GRIK1: variants seen among roughly 807,000 people sequenced by gnomAD.
GRIK1 encodes the protein glutamate receptor ionotropic, kainate 1.
GRIK1 carries 69 observed loss-of-function variants against 105.7 expected under a neutral mutation model. That is an observed-to-expected ratio of 0.65 (90% CI 0.54 to 0.80). GRIK1 has a LOEUF of 0.80. Among genes scored for constraint, GRIK1 ranks in the 30% least tolerant of loss-of-function variants. The pLI, the probability that GRIK1 is intolerant of heterozygous loss-of-function variation, is 0.00. For missense variants in GRIK1, 1,109 were observed against 1,167.3 expected, an observed-to-expected ratio of 0.95 and a Z score of 0.73; for synonymous variants, 438 against 431.3, an observed-to-expected ratio of 1.02 and a Z score of -0.19.
At position 29,939,403 on chromosome 21, in the gene GRIK1, G is replaced by A. The variant is rs1334563631; in HGVS notation, c.98C>T (p.Ala33Val). The A allele has an allele frequency of 8.4e-6, 13 of 1,552,092 alleles. No individual in the cohort carries two copies. The highest frequency in any genetic ancestry group is 1.0e-5 in the Non-Finnish European group (12 of 1,143,654). Reference protein sequence around the residue: ...YFLCYILPQTAPQVLRIGGIF... With the variant: ...YFLCYILPQTVPQVLRIGGIF... The stretch of plus-strand genomic sequence containing the variant: ...CTCACCGATCCTGAGTACTTGCGGG[G>A]CGGTCTGAGGGAGGATATAGCAGAG... The change falls in exon 1 of 18, where the codon GCC becomes GTC. Residue 33 changes from alanine (A) to valine (V), a missense_variant. Coordinates refer to ENST00000327783, the MANE Select transcript of GRIK1 (RefSeq NM_001330994.2).
intron 1 of GRIK1, among the ~76,000 whole-genome samples, chr21:29,870,410 T>C (rs900145393): frequency 2.0e-5 from 3 of 152,116 alleles, no homozygotes; most frequent in African/African-American, 2.4e-5. Flanking sequence ...GTTAGCATTA[T>C]ACTTACTTTG....
At chr21:29,810,002 A>T (rs2066969080) in intron 1 of GRIK1, among the ~76,000 whole-genome samples, 1 of 152,146 alleles carries the variant, frequency 6.6e-6, no homozygotes, top group Non-Finnish European at 1.5e-5. Context: ...GTAACATCAA[A>T]GATTACTAAT....
At chr21:29,871,760 ATTTTTTT>A (rs35513177) in intron 1 of GRIK1, among the ~76,000 whole-genome samples, 1 of 121,158 alleles carries the variant, frequency 8.3e-6, no homozygotes, top group African/African-American at 3.1e-5. Context: ...AATCTTTTTA[ATTTTTTT>A]TTTTTTTTTT....
intron 1 of GRIK1, among the ~76,000 whole-genome samples, chr21:29,826,337 G>A (rs2067456442): frequency 1.3e-5 from 2 of 152,126 alleles, no homozygotes; most frequent in Admixed American, 1.3e-4. Flanking sequence ...CTTGGCCTCA[G>A]TGCCCAGATA....
At chr21:29,724,663 G>A (rs183294941) in intron 1 of GRIK1, among the ~76,000 whole-genome samples, 4 of 152,260 alleles carry the variant, frequency 2.6e-5, no homozygotes, top group Admixed American at 2.0e-4. Context: ...ATGATTTAAA[G>A]ATACTTAGCT....
chr21:29,848,136 C>T (rs2832449), intron 1 of GRIK1, among the ~76,000 whole-genome samples: 47,574 of 151,754 alleles, frequency 0.31, 7,977 homozygotes, highest in East Asian at 0.46. Flanking sequence ...GCCTTGGCAA[C>T]GACTTTATCT....
At chr21:29,724,956 T>C (rs1001281006) in intron 1 of GRIK1, among the ~76,000 whole-genome samples, 2 of 151,654 alleles carry the variant, frequency 1.3e-5, no homozygotes, top group African/African-American at 4.9e-5. Flanking sequence ...TATCATTGAC[T>C]TTAGTCGAAT....
At chr21:29,607,210 G>T (rs796287640) in intron 7 of GRIK1, among the ~76,000 whole-genome samples, 1 of 152,066 alleles carries the variant, frequency 6.6e-6, no homozygotes, top group Non-Finnish European at 1.5e-5. Flanking sequence ...TGCAGGGTGA[G>T]AGATGACTGA....
intron 2 of GRIK1, 129 bp downstream of exon 2, chr21:29,693,767 G>C (rs2063632077): frequency 1.5e-6 from 1 of 681,730 alleles, no homozygotes; most frequent in Non-Finnish European, 2.6e-6. Context: ...TGACATCGAA[G>C]ACCCAGATTT....
intron 1 of GRIK1, among the ~76,000 whole-genome samples, chr21:29,836,322 C>T (rs1321759828): frequency 6.6e-6 from 1 of 152,076 alleles, no homozygotes; most frequent in Non-Finnish European, 1.5e-5. Flanking sequence ...AGTACTAAGT[C>T]AGATGATCAG....
chr21:29,571,466 C>T (rs1207347258), intron 14 of GRIK1, among the ~76,000 whole-genome samples: 2 of 152,048 alleles, frequency 1.3e-5, no homozygotes, highest in African/African-American at 2.4e-5. Context: ...TTTTGGTTTT[C>T]TTCTTGTTGA....
At chr21:29,828,917 G>A (rs925858678) in intron 1 of GRIK1, among the ~76,000 whole-genome samples, 34 of 152,238 alleles carry the variant, frequency 2.2e-4, no homozygotes, top group Admixed American at 8.5e-4. Context: ...ATAACAGAGC[G>A]ATATTCAAAC....
chr21:29,542,716 C>T (rs1364303716), intron 16 of GRIK1, among the ~76,000 whole-genome samples: 1 of 152,196 alleles, frequency 6.6e-6, no homozygotes, highest in East Asian at 1.9e-4. Flanking sequence ...TATAGGTAAA[C>T]ATTTCAGAGA....
chr21:29,637,704 C>A (rs1259027440), intron 7 of GRIK1, among the ~76,000 whole-genome samples: 2 of 152,188 alleles, frequency 1.3e-5, no homozygotes, highest in Non-Finnish European at 2.9e-5. Flanking sequence ...GACTTCCCAG[C>A]CTGCAGAACT....
chr21:29,793,745 T>C (rs2066485906), intron 1 of GRIK1, among the ~76,000 whole-genome samples: 2 of 152,308 alleles, frequency 1.3e-5, no homozygotes, highest in Admixed American at 1.3e-4. Flanking sequence ...AAATCATTGA[T>C]TTCAAATAAA....
chr21:29,775,138 G>A (rs2065910150), intron 1 of GRIK1, among the ~76,000 whole-genome samples: 1 of 151,888 alleles, frequency 6.6e-6, no homozygotes, highest in Admixed American at 6.6e-5. Flanking sequence ...CCAACCTGGC[G>A]AAACCCCGTC....
intron 1 of GRIK1, among the ~76,000 whole-genome samples, chr21:29,820,782 A>T: frequency 6.6e-6 from 1 of 152,020 alleles, no homozygotes; most frequent in East Asian, 1.9e-4. Context: ...AGTGACATAC[A>T]TACGTTAATT....
chr21:29,888,888 G>A (rs937005397), intron 1 of GRIK1, among the ~76,000 whole-genome samples: 5 of 151,402 alleles, frequency 3.3e-5, no homozygotes, highest in African/African-American at 1.2e-4. Context: ...TGGTTGTCCT[G>A]GCCTTCCATC....
chr21:29,784,281 T>A (rs1269021377), intron 1 of GRIK1, among the ~76,000 whole-genome samples: 1 of 152,242 alleles, frequency 6.6e-6, no homozygotes. Flanking sequence ...TGTACAAGCT[T>A]ATTTTGTACC....
Sources: gnomAD v4.1 joint callset for allele counts (sites outside exome capture counted in the v4.1 genomes callset) on GRCh38, gnomAD v4.1.1 for gene constraint, MANE v1.5 for transcripts, NCBI Gene and HGNC (gene_info 2026-07-23, HGNC 2026-07-21) for gene names.